MAPKAPK2: variants seen among roughly 807,000 people sequenced by gnomAD.
MAPKAPK2 encodes the protein MAPK activated protein kinase 2.
Under a neutral mutation model 48.8 loss-of-function variants are expected in MAPKAPK2, and 9 were observed. The observed-to-expected ratio is 0.18, with a 90% CI of 0.11 to 0.32. MAPKAPK2 has a LOEUF of 0.32. MAPKAPK2 is among the 10% of genes least tolerant of loss of function. The pLI is 1.00. For synonymous variants in MAPKAPK2, 202 were observed against 190.6 expected, an observed-to-expected ratio of 1.06 and a Z score of -0.49; for missense variants, 331 against 498.3, an observed-to-expected ratio of 0.66 and a Z score of 3.20.
At chr1:206,725,536 T>C (rs1673677179) in intron 1 of MAPKAPK2, among the ~76,000 whole-genome samples, 1 of 152,162 alleles carries the variant, frequency 6.6e-6, no homozygotes, top group African/African-American at 2.4e-5. Flanking sequence ...ATGCTCATAA[T>C]GTTTCTATGA....
chr1:206,706,978 G>A (rs528915594), intron 1 of MAPKAPK2, among the ~76,000 whole-genome samples: 13 of 152,176 alleles, frequency 8.5e-5, no homozygotes, highest in Admixed American at 5.9e-4. Flanking sequence ...CGTCAGCCCC[G>A]AACAGCTTGG....
intron 5 of MAPKAPK2, 45 bp downstream of exon 5, chr1:206,730,143 T>C: frequency 6.2e-7 from 1 of 1,611,532 alleles, no homozygotes; most frequent in Non-Finnish European, 8.5e-7. Flanking sequence ...TCCCAGAACT[T>C]TTCTCAGCCC....
intron 1 of MAPKAPK2, among the ~76,000 whole-genome samples, chr1:206,711,701 C>T (rs1418006645): frequency 2.0e-5 from 3 of 150,726 alleles, no homozygotes; most frequent in Admixed American, 1.3e-4. Context: ...CAGTGAAACC[C>T]CTGCCTCCCA....
At position 206,728,727 on chromosome 1, in the gene MAPKAPK2, C is replaced by T. The variant is rs782545074; in HGVS notation, c.297C>T (p.Pro99=). Residue 99 remains proline, a synonymous_variant, in exon 2 of 10, where the codon CCC becomes CCT. Transcript: ENST00000367103. ...GCCTGCAGATGCTTCAGGACTGCCC[C>T]AAGGCCCGCAGGGAGGTGGAGCTGC... is the stretch of plus-strand genomic sequence containing the variant. ...KFALKMLQDC[P]KARREVELHW... 11 of 1,613,942 alleles carry T rather than the reference C, an allele frequency of 6.8e-6. No homozygotes were observed. The highest frequency in any genetic ancestry group is 4.0e-5 in the African/African-American group (3 of 74,930).
Position 206,701,830 on chromosome 1 carries a change from C to CAAAAAAAAAA in MAPKAPK2, c.279+16322_279+16323insAAAAAAAAAA, listed in dbSNP as rs1553427942. On this transcript the variant is annotated intron_variant, in intron 1 of 9. Coordinates refer to ENST00000367103, the MANE Select transcript of MAPKAPK2 (RefSeq NM_032960.4). ...TGGGCAACAGAATGAGACCCTGTCT[C>CAAAAAAAAAA]TAAAAAAAAAAAAAAAAAAAAAAAA... 1.0e-4 allele frequency among the ~76,000 whole-genome samples: 8 copies of CAAAAAAAAAA among 80,230 alleles called. 2 individuals are homozygous for CAAAAAAAAAA. The highest frequency in any genetic ancestry group is 1.5e-4 in the Non-Finnish European group (6 of 40,564). 52.6% of individuals were successfully genotyped at this position (80,230 alleles called of 152,430 possible).
At position 206,731,606 on chromosome 1, in the gene MAPKAPK2, C is replaced by G; in HGVS notation, c.893-34C>G. ...AGGAGCAGGCCAGGGAGAGTGACCC[C>G]TGAGCTGTCACTGCCCCCTGTCCCA... On this transcript the variant is annotated intron_variant, in intron 7 of 9. Coordinates refer to ENST00000367103, the MANE Select transcript of MAPKAPK2 (RefSeq NM_032960.4). This position sits in a 1 kb window ranked among gnomAD's most constrained non-coding sequence, Gnocchi z 5.9. The G allele has an allele frequency of 6.4e-7, 1 of 1,551,662 alleles. No individual in the cohort carries two copies. Among genetic ancestry groups the G allele is most frequent in the Non-Finnish European group, 8.9e-7 (1 of 1,123,108 alleles).
chr1:206,695,229 T>C (rs532002634), intron 1 of MAPKAPK2, among the ~76,000 whole-genome samples: 2 of 152,202 alleles, frequency 1.3e-5, no homozygotes, highest in African/African-American at 4.8e-5. Flanking sequence ...TAGAGAGTAG[T>C]AGGGGGTGGG....
chr1:206,702,757 C>G (rs1672835990), intron 1 of MAPKAPK2, among the ~76,000 whole-genome samples: 1 of 152,232 alleles, frequency 6.6e-6, no homozygotes, highest in Non-Finnish European at 1.5e-5. Context: ...TCCTGCCTTC[C>G]ACACTTTGCC....
rs1246509011 is a variant in MAPKAPK2, at chr1:206,685,267, C to T, written c.38C>T (p.Pro13Leu). 4.6e-6 allele frequency: 3 copies of T among 646,550 alleles called. No individual in the cohort carries two copies. Among genetic ancestry groups the T allele is most frequent in the Non-Finnish European group, 6.8e-6 (3 of 442,446 alleles). 40.1% of individuals were successfully genotyped at this position (646,550 alleles called of 1,614,324 possible). The change falls in exon 1 of 10, where the codon CCG (proline) becomes CTG (leucine). Residue 13 changes from proline (P) to leucine (L), a missense_variant. Coordinates refer to ENST00000367103, the MANE Select transcript of MAPKAPK2 (RefSeq NM_032960.4). ...SNSQGQSPPV[P>L]FPAPAPPPQP... ...TCCCAGGGCCAGAGCCCGCCGGTGC[C>T]GTTCCCCGCCCCGGCCCCGCCGCCG...
chr1:206,727,689 C>T (rs1553431967), intron 1 of MAPKAPK2, among the ~76,000 whole-genome samples: 1 of 152,012 alleles, frequency 6.6e-6, no homozygotes, highest in African/African-American at 2.4e-5. Flanking sequence ...GGCGTGATCT[C>T]GGCTCGCTGC....
chr1:206,692,610 ATT>A (rs1324506674), intron 1 of MAPKAPK2, among the ~76,000 whole-genome samples: 1 of 152,122 alleles, frequency 6.6e-6, no homozygotes, highest in East Asian at 1.9e-4. Flanking sequence ...TGGGGTCTTT[ATT>A]GTCTGATCAG....
In MAPKAPK2 at chr1:206,732,066, A is replaced by G. The variant is rs1553432810; in HGVS notation, c.1059+147A>G. The G allele has an allele frequency of 6.2e-7, 1 of 1,614,176 alleles. No individual in the cohort carries two copies. Among genetic ancestry groups the G allele is most frequent in the Admixed American group, 1.7e-5 (1 of 60,024 alleles). On this transcript the variant is annotated intron_variant, in intron 9 of 9. Coordinates refer to ENST00000367103, the MANE Select transcript of MAPKAPK2 (RefSeq NM_032960.4). The surrounding 1 kb of genome is among the most constrained non-coding windows in gnomAD (Gnocchi z 4.4). ...TGTCTTCATGACAAGAACAGCGACC[A>G]GGCCACTTGGCTGACCAGGTTGTGA... is the stretch of plus-strand genomic sequence containing the variant.
Position 206,728,873 on chromosome 1 carries a change from C to T in MAPKAPK2, c.419+24C>T, listed in dbSNP as rs782638635. The T allele has an allele frequency of 2.9e-5, 47 of 1,612,834 alleles. No individual in the cohort carries two copies. In the Middle Eastern group the frequency reaches 6.6e-4, roughly 23 times the overall value. ...TGGTAAGCAGCCACTGTTCTAGTCC[C>T]GGCCCAGCCTGTTCCCACTCCTCAC... On this transcript the variant is annotated intron_variant, in intron 2 of 9. Transcript: ENST00000367103.
intron 1 of MAPKAPK2, among the ~76,000 whole-genome samples, chr1:206,697,296 C>T (rs1553427206): frequency 6.6e-6 from 1 of 152,210 alleles, no homozygotes; most frequent in African/African-American, 2.4e-5. Context: ...GGTCCTGCTC[C>T]TGTGTGTTGC....
chr1:206,730,885 C>A, intron 6 of MAPKAPK2, 122 bp downstream of exon 6: 1 of 1,105,102 alleles, frequency 9.0e-7, no homozygotes, highest in Non-Finnish European at 1.4e-6. Flanking sequence ...CCCTGCGTGC[C>A]CCTTCTCTCA....
At chr1:206,724,897 A>C (rs1384313914) in intron 1 of MAPKAPK2, among the ~76,000 whole-genome samples, 1 of 152,066 alleles carries the variant, frequency 6.6e-6, no homozygotes, top group African/African-American at 2.4e-5. Flanking sequence ...AAAATGGTAA[A>C]TTTTTTCAAA....
At chr1:206,699,716 C>G (rs1672737759) in intron 1 of MAPKAPK2, among the ~76,000 whole-genome samples, 1 of 152,148 alleles carries the variant, frequency 6.6e-6, no homozygotes, top group Non-Finnish European at 1.5e-5. Context: ...GTTTAGCCTT[C>G]TAGGTGAAGG....
chr1:206,685,638 C>A (rs1553425488), intron 1 of MAPKAPK2, 130 bp downstream of exon 1: 2 of 652,136 alleles, frequency 3.1e-6, no homozygotes, highest in African/African-American at 2.0e-5. Context: ...CGGGGCGGGG[C>A]GGCCGGGCCG....
chr1:206,718,526 C>A (rs1030958724), intron 1 of MAPKAPK2, among the ~76,000 whole-genome samples: 1 of 104,562 alleles, frequency 9.6e-6, no homozygotes, highest in Non-Finnish European at 1.9e-5. Context: ...GAGCAAGACT[C>A]CATCTCAAAA....
Sources: gnomAD v4.1 joint callset for allele counts (sites outside exome capture counted in the v4.1 genomes callset) on GRCh38, gnomAD v4.1.1 for gene constraint, Gnocchi (gnomAD v3.1) non-coding constraint, MANE v1.5 for transcripts, NCBI Gene and HGNC (gene_info 2026-07-23, HGNC 2026-07-21) for gene names.